Variants in SCUBE1 observed in about 807,000 individuals in gnomAD.
SCUBE1 encodes signal peptide, CUB domain and EGF like domain containing 1.
Under a neutral mutation model 124.4 loss-of-function variants are expected in SCUBE1, and 59 were observed. That is an observed-to-expected ratio of 0.47 (90% CI 0.38 to 0.59). The LOEUF (loss-of-function observed/expected upper bound fraction) is 0.59. Among genes scored for constraint, SCUBE1 ranks in the 20% least tolerant of loss-of-function variants. SCUBE1 has a pLI of 0.00. For missense variants in SCUBE1, 1,150 were observed against 1,371.2 expected, an observed-to-expected ratio of 0.84 and a Z score of 2.55; for synonymous variants, 545 against 550.9, an observed-to-expected ratio of 0.99 and a Z score of 0.15.
In SCUBE1 at chr22:43,202,477, A is replaced by G. The variant is rs1273851595; in HGVS notation, c.*1520T>C. 6.6e-6 allele frequency: 1 copy of G among 152,188 alleles called. No homozygotes were observed. Among genetic ancestry groups the G allele is most frequent in the Non-Finnish European group, 1.5e-5 (1 of 68,034 alleles). The allele number at this position is 152,188 out of a possible 1,614,324, so 9.4% of individuals were successfully genotyped here. A position where few individuals can be genotyped will look rare whatever the true frequency, so the allele number is the denominator to read the frequency against. On this transcript the variant is annotated 3_prime_UTR_variant, in exon 22 of 22. Coordinates refer to ENST00000360835, the MANE Select transcript of SCUBE1 (RefSeq NM_173050.5). ...TGCAGGTCCTACAGCTCGCAGGCAG[A>G]TGAAGAGCAGGCAAGGCCTCCTGGA...
At chr22:43,261,828 A>G (rs1302891635) in intron 5 of SCUBE1, among the ~76,000 whole-genome samples, 1 of 152,220 alleles carries the variant, frequency 6.6e-6, no homozygotes, top group Non-Finnish European at 1.5e-5. Context: ...TCTTTGTAAA[A>G]AGGGCAAATA....
chr22:43,277,473 G>A (rs1472061083), intron 4 of SCUBE1, among the ~76,000 whole-genome samples: 1 of 152,210 alleles, frequency 6.6e-6, no homozygotes, highest in Non-Finnish European at 1.5e-5. Flanking sequence ...CGAGACAGGG[G>A]CTCCTTGTGT....
intron 4 of SCUBE1, among the ~76,000 whole-genome samples, chr22:43,281,422 C>G (rs1389853985): frequency 1.0e-5 from 1 of 97,288 alleles, no homozygotes; most frequent in Non-Finnish European, 1.8e-5. Flanking sequence ...CAGCCATCCT[C>G]CTGTCACCTC....
chr22:43,218,847 G>A (rs994198562), intron 14 of SCUBE1, among the ~76,000 whole-genome samples: 10 of 152,180 alleles, frequency 6.6e-5, no homozygotes, highest in Admixed American at 5.9e-4. Context: ...GTCCAGCCCC[G>A]TATGGCCTTG....
chr22:43,261,267 C>T (rs1266493972), intron 5 of SCUBE1, among the ~76,000 whole-genome samples: 1 of 152,224 alleles, frequency 6.6e-6, no homozygotes, highest in African/African-American at 2.4e-5. Context: ...GGATGGAGCC[C>T]TGGGGCTGGA....
At position 43,212,418 on chromosome 22, in the gene SCUBE1, T is replaced by G; in HGVS notation, c.2221+7A>C. 2 of 1,549,714 alleles carry G rather than the reference T, an allele frequency of 1.3e-6. No homozygotes were observed. The highest frequency in any genetic ancestry group is 1.7e-6 in the Non-Finnish European group (2 of 1,146,748). On this transcript the variant is annotated splice_region_variant and intron_variant, in intron 17 of 21. Transcript: ENST00000360835. ...GTGGGCGGGCGTGGTGGGGAGGGCA[T>G]GCTCACCTTTAGCCTCGCAGTCCTG...
At chr22:43,335,239 G>C (rs1171223743) in intron 2 of SCUBE1, among the ~76,000 whole-genome samples, 1 of 152,186 alleles carries the variant, frequency 6.6e-6, no homozygotes, top group Non-Finnish European at 1.5e-5. Context: ...TCTCTCCATA[G>C]TCCTCCCAGA....
At chr22:43,295,256 C>T (rs1351333437) in intron 3 of SCUBE1, among the ~76,000 whole-genome samples, 1 of 152,202 alleles carries the variant, frequency 6.6e-6, no homozygotes, top group African/African-American at 2.4e-5. Flanking sequence ...TTCTGGTGCC[C>T]AGCATAATTC....
chr22:43,339,616 C>A (rs1927205732), intron 1 of SCUBE1, among the ~76,000 whole-genome samples: 1 of 143,842 alleles, frequency 7.0e-6, no homozygotes, highest in South Asian at 2.2e-4. Flanking sequence ...TCACTCTATC[C>A]CCTACTCTCC....
At chr22:43,328,438 C>T (rs1252297855) in intron 2 of SCUBE1, among the ~76,000 whole-genome samples, 7 of 152,188 alleles carry the variant, frequency 4.6e-5, no homozygotes, top group Admixed American at 4.6e-4. Flanking sequence ...CCAAAAACTG[C>T]AGGCTCTGTG....
intron 7 of SCUBE1, chr22:43,238,400 C>G (rs1411524783): frequency 9.8e-6 from 4 of 407,974 alleles, no homozygotes; most frequent in Non-Finnish European, 1.8e-5. Flanking sequence ...GATGGCCCAA[C>G]ACCAGACTGT....
chr22:43,334,044 G>T (rs889956497), intron 2 of SCUBE1, among the ~76,000 whole-genome samples: 1 of 152,204 alleles, frequency 6.6e-6, no homozygotes, highest in Non-Finnish European at 1.5e-5. Flanking sequence ...AGTGAGATCT[G>T]CAGGACAGGG....
chr22:43,315,702 T>A (rs938040957), intron 3 of SCUBE1, among the ~76,000 whole-genome samples: 4 of 126,986 alleles, frequency 3.1e-5, no homozygotes, highest in African/African-American at 1.2e-4. Flanking sequence ...CTGCTGTGTG[T>A]GCAAGTTAGA....
chr22:43,198,148 GA>G lies in SCUBE1; in HGVS notation c.*5848del, dbSNP rs1337904642. The G allele has an allele frequency of 2.7e-5, 6 of 219,714 alleles. No individual in the cohort carries two copies. The highest frequency in any genetic ancestry group is 5.5e-5 in the Non-Finnish European group (6 of 108,472). The allele number at this position is 219,714 out of a possible 1,614,324, so 13.6% of individuals were successfully genotyped here. A position where few individuals can be genotyped will look rare whatever the true frequency, so the allele number is the denominator to read the frequency against. On this transcript the variant is annotated 3_prime_UTR_variant, in exon 22 of 22. Coordinates refer to ENST00000360835, the MANE Select transcript of SCUBE1 (RefSeq NM_173050.5). ...CCATCTACATGGGGCTGGGGGGATG[GA>G]ATGTGTGGATATTAGAGGGTTGAGC... is the stretch of plus-strand genomic sequence containing the variant.
chr22:43,277,870 G>A (rs148350930), intron 4 of SCUBE1, among the ~76,000 whole-genome samples: 61 of 152,374 alleles, frequency 4.0e-4, no homozygotes, highest in African/African-American at 1.3e-3. Flanking sequence ...CCCAGGACTT[G>A]TGGCAGAGAA....
At chr22:43,270,759 C>A (rs1333927271) in intron 4 of SCUBE1, among the ~76,000 whole-genome samples, 3 of 152,222 alleles carry the variant, frequency 2.0e-5, no homozygotes, top group Admixed American at 6.5e-5. Flanking sequence ...GACTTGAAGA[C>A]CTGCCCTTCT....
At chr22:43,212,237 A>G (rs1309143768) in intron 17 of SCUBE1, among the ~76,000 whole-genome samples, 188 bp downstream of exon 17, 1 of 152,218 alleles carries the variant, frequency 6.6e-6, no homozygotes, top group Non-Finnish European at 1.5e-5. Context: ...GCTCTCAGCT[A>G]TAAGGTGTCC....
At chr22:43,293,702 G>A (rs186203664) in intron 3 of SCUBE1, among the ~76,000 whole-genome samples, 4 of 152,298 alleles carry the variant, frequency 2.6e-5, no homozygotes, top group Admixed American at 2.0e-4. Context: ...GACTCAGTTC[G>A]GACCCCTCTC....
chr22:43,225,310 A>G (rs1432874042), intron 10 of SCUBE1, among the ~76,000 whole-genome samples: 1 of 152,150 alleles, frequency 6.6e-6, no homozygotes, highest in Non-Finnish European at 1.5e-5. Context: ...AGCTATGCTG[A>G]GTGCTGAAGG....
Sources: allele counts gnomAD v4.1 joint callset (sites outside exome capture counted in the v4.1 genomes callset), GRCh38; gene constraint gnomAD v4.1.1; transcripts MANE v1.5; gene names NCBI Gene and HGNC (gene_info 2026-07-23, HGNC 2026-07-21).